Variants in FAN1 observed in about 807,000 individuals in gnomAD.
The protein encoded by FAN1 is fanconi-associated nuclease 1.
FAN1 carries 91 observed loss-of-function variants against 104.9 expected under a neutral mutation model. The ratio of observed to expected loss-of-function variants is 0.87; its 90% CI spans 0.73 to 1.03. The LOEUF is 1.03. Ranked by LOEUF, FAN1 falls within the 50% of genes least tolerant of loss-of-function variation. The pLI, the probability that FAN1 is intolerant of heterozygous loss-of-function variation, is 0.00. For missense variants in FAN1, 1,263 were observed against 1,239.9 expected (o/e 1.02, Z -0.28); for synonymous variants, 478 against 457.6 (o/e 1.04, Z -0.57).
intron 12 of FAN1, among the ~76,000 whole-genome samples, chr15:30,930,142 T>G (rs911647644): frequency 2.6e-5 from 4 of 151,152 alleles, no homozygotes; most frequent in African/African-American, 7.3e-5. Flanking sequence ...AGCTGTGCCT[T>G]TGCCACCCCT....
At chr15:30,937,286 A>C in intron 14 of FAN1, 27 bp downstream of exon 14, 1 of 1,582,700 alleles carries the variant, frequency 6.3e-7, no homozygotes, top group Non-Finnish European at 8.6e-7. Flanking sequence ...ATTTGGTCAT[A>C]CATTAATGTA....
In FAN1 at chr15:30,905,422, C is replaced by T. The variant is rs775709367; in HGVS notation, c.759C>T (p.Leu253=). The change falls in exon 2 of 15, where the codon CTC becomes CTT. Residue 253 remains leucine (L), a synonymous_variant. Transcript: ENST00000362065. Reference sequence around the variant, plus strand: ...CCCGGGAATGTGAGAAATCAGCCCTCACCCCTGGATTCTCAGATAATGCGA... The same window carrying T: ...CCCGGGAATGTGAGAAATCAGCCCTTACCCCTGGATTCTCAGATAATGCGA... ...KATRECEKSA[L]TPGFSDNAIM... is the part of the protein sequence containing the mutation. 1.2e-6 allele frequency: 2 copies of T among 1,614,160 alleles called. No individual in the cohort carries two copies. The highest frequency in any genetic ancestry group is 1.3e-5 in the African/African-American group (1 of 75,062).
chr15:30,939,404 T>C (rs1888524360), intron 14 of FAN1: 1 of 985,468 alleles, frequency 1.0e-6, no homozygotes, highest in Non-Finnish European at 1.2e-6. Context: ...TGTCACCACA[T>C]GTCCCTCTGA....
At position 30,922,310 on chromosome 15, in the gene FAN1, C is replaced by T. The variant is rs199845994; in HGVS notation, c.2128C>T (p.Arg710Ter). 188 of 1,613,814 alleles carry T rather than the reference C, an allele frequency of 1.2e-4. No individual in the cohort carries two copies. Among genetic ancestry groups the T allele is most frequent in the Non-Finnish European group, 1.4e-4 (171 of 1,179,984 alleles). The stretch of plus-strand genomic sequence containing the variant: ...TGACAGCAGAGGCCGATGGTGGGAT[C>T]GACTGGCCCTTAATTTACACCAGCA... ...CPDSRGRWWD[R>*]LALNLHQHLK... Residue 710 changes from arginine (R) to a stop codon, truncating the protein, a stop_gained, in exon 8 of 15, where the codon CGA becomes TGA. Coordinates refer to ENST00000362065, the MANE Select transcript of FAN1 (RefSeq NM_014967.5). LOFTEE classifies it high-confidence loss of function.
In FAN1 at chr15:30,910,631, C is replaced by T. The variant is rs769508027; in HGVS notation, c.1393C>T (p.Leu465Phe). The change falls in exon 4 of 15, where the codon CTC (leucine) becomes TTC (phenylalanine). Residue 465 changes from leucine to phenylalanine, a missense_variant. By Grantham distance (22) the Leu-to-Phe change is conservative. Transcript: ENST00000362065. ...FLQTESELQE[L>F]SEVLELLSAP... ...CATTTCAGAATCTGAGTTGCAAGAA[C>T]TCTCTGAAGTGCTTGAACTCCTTTC... 2 of 1,593,018 alleles carry T rather than the reference C, an allele frequency of 1.3e-6. No individual in the cohort carries two copies. Among genetic ancestry groups the T allele is most frequent in the African/African-American group, 2.7e-5 (2 of 74,102 alleles).
Position 30,922,285 on chromosome 15 carries a change from T to C in FAN1, c.2103T>C (p.Pro701=), listed in dbSNP as rs200451712. ...TTTTGTCTCAGAGAATTTATTGTCC[T>C]GACAGCAGAGGCCGATGGTGGGATC... The part of the protein sequence containing the change: ...ESLLSQRIYC[P]DSRGRWWDRL... The change falls in exon 8 of 15, where the codon CCT becomes CCC. Residue 701 remains proline, a synonymous_variant. Coordinates refer to ENST00000362065, the MANE Select transcript of FAN1 (RefSeq NM_014967.5). The C allele has an allele frequency of 2.7e-4, 432 of 1,613,962 alleles. 1 individual carries two copies. The highest frequency in any genetic ancestry group is 3.5e-4 in the Non-Finnish European group (412 of 1,180,016).
intron 4 of FAN1, chr15:30,911,205 T>C: frequency 2.0e-6 from 2 of 1,002,104 alleles, no homozygotes; most frequent in South Asian, 9.3e-5. Flanking sequence ...CAAGTTTTCC[T>C]GAGTTTAAAC....
chr15:30,927,787 G>A (rs894206742), intron 10 of FAN1: 2 of 985,686 alleles, frequency 2.0e-6, no homozygotes, highest in African/African-American at 3.5e-5. Context: ...AGGGCAGCTG[G>A]ATGAGCTGGG....
rs373503800 is a variant in FAN1, at chr15:30,925,945, T to A, written c.2488+6T>A. The stretch of plus-strand genomic sequence containing the variant: ...ACGCAGCGGTTTTGACCAGGGTAAC[T>A]GAGCAGGCTTTCTCTTGTGGCACCC... On this transcript the variant is annotated splice_donor_region_variant and intron_variant, in intron 10 of 14. Transcript: ENST00000362065. 8.1e-6 allele frequency: 13 copies of A among 1,613,856 alleles called. 1 individual carries two copies. The highest frequency in any genetic ancestry group is 1.0e-5 in the Non-Finnish European group (12 of 1,179,890).
intron 3 of FAN1, 96 bp downstream of exon 3, chr15:30,908,354 G>C (rs909887254): frequency 3.0e-6 from 3 of 1,007,436 alleles, no homozygotes; most frequent in South Asian, 2.4e-5. Flanking sequence ...CCCTCCCCGG[G>C]GTGGTGCCTG....
chr15:30,908,716 C>T (rs1190473457), intron 3 of FAN1, among the ~76,000 whole-genome samples: 1 of 152,182 alleles, frequency 6.6e-6, no homozygotes, highest in Non-Finnish European at 1.5e-5. Flanking sequence ...TGGCGCATGC[C>T]TGTAATCCCA....
chr15:30,941,275 A>G, intron 14 of FAN1: 2 of 1,491,890 alleles, frequency 1.3e-6, no homozygotes, highest in Non-Finnish European at 1.8e-6. Context: ...GAAAGAGGAC[A>G]GGAACAAAAT....
intron 6 of FAN1, 46 bp from the exon 7 acceptor site, chr15:30,920,499 T>G (rs369028560): frequency 1.6e-6 from 2 of 1,244,614 alleles, no homozygotes; most frequent in Non-Finnish European, 2.3e-6. Context: ...TGTCTTATAA[T>G]AAATTAACCA....
In FAN1 at chr15:30,926,632, A is replaced by G. The variant is rs2062470336; in HGVS notation, c.2488+693A>G. 3.2e-5 allele frequency: 32 copies of G among 985,378 alleles called. No homozygotes were observed. In the South Asian group the frequency reaches 1.3e-3, roughly 41 times the overall value. The allele number at this position is 985,378 out of a possible 1,614,324, so 61.0% of individuals were successfully genotyped here. ...GGGAAGGGTGATGTTATTGGGGAAG[A>G]CGTGCAAATGCCAGTGAAGACAGAG... On this transcript the variant is annotated intron_variant, in intron 10 of 14. Coordinates refer to ENST00000362065, the MANE Select transcript of FAN1 (RefSeq NM_014967.5).
chr15:30,940,920 C>T, intron 14 of FAN1: 1 of 1,045,500 alleles, frequency 9.6e-7, no homozygotes, highest in Non-Finnish European at 1.2e-6. Context: ...CTCATGATTT[C>T]AAAACACAGT....
chr15:30,923,295 A>G (rs1202388724), intron 8 of FAN1, among the ~76,000 whole-genome samples: 1 of 152,184 alleles, frequency 6.6e-6, no homozygotes, highest in South Asian at 2.1e-4. Context: ...TGAGGCTGAA[A>G]TAGCAAGAGA....
chr15:30,928,220 G>A, intron 10 of FAN1: 4 of 1,048,582 alleles, frequency 3.8e-6, no homozygotes, highest in Non-Finnish European at 4.6e-6. Context: ...TTGGGAACCT[G>A]AGGAGGGTAT....
At chr15:30,933,572 G>A (rs1004643531) in intron 13 of FAN1, among the ~76,000 whole-genome samples, 5 of 152,122 alleles carry the variant, frequency 3.3e-5, no homozygotes, top group African/African-American at 1.2e-4. Context: ...TATTCTGTTT[G>A]TACTTGAAAA....
chr15:30,909,093 G>A (rs1005627528), intron 3 of FAN1, among the ~76,000 whole-genome samples: 4 of 152,128 alleles, frequency 2.6e-5, no homozygotes, highest in Non-Finnish European at 5.9e-5. Context: ...GATACCCTTC[G>A]TTGTCTTGTC....
Sources: allele counts gnomAD v4.1 joint callset (sites outside exome capture counted in the v4.1 genomes callset), GRCh38; gene constraint gnomAD v4.1.1; transcripts MANE v1.5; gene names NCBI Gene and HGNC (gene_info 2026-07-23, HGNC 2026-07-21).